Variants in CD276 observed in about 807,000 individuals in gnomAD.
The protein encoded by CD276 is CD276 antigen.
CD276 carries 34 observed loss-of-function variants against 50.0 expected under a neutral mutation model. That is an observed-to-expected ratio of 0.68 (90% CI 0.52 to 0.91). The LOEUF (loss-of-function observed/expected upper bound fraction) is 0.91, where lower values mean the gene tolerates loss of function less well. CD276 is among the 40% of genes least tolerant of loss of function. CD276 has a pLI of 0.00. For synonymous variants in CD276, 275 were observed against 313.0 expected (o/e 0.88, Z 1.28); for missense variants, 634 against 717.5 (o/e 0.88, Z 1.33).
In CD276 at chr15:73,709,671, G is replaced by A. The variant is rs144368803; in HGVS notation, c.1528G>A (p.Gly510Arg). The change falls in exon 8 of 10, where the codon GGA (glycine) becomes AGA (arginine). Residue 510 changes from glycine (G) to arginine (R), a missense_variant. Gly to Arg is a moderately radical substitution (Grantham distance 125). Coordinates refer to ENST00000318443, the MANE Select transcript of CD276 (RefSeq NM_001024736.2). ...AGGAGCTGAGGACCAGGATGGGGAGGGAGAAGGCTCCAAGACAGGTGAGTC... is the reference window on the plus strand; with the variant it reads ...AGGAGCTGAGGACCAGGATGGGGAGAGAGAAGGCTCCAAGACAGGTGAGTC... ...NAGAEDQDGE[G>R]EGSKTALQPL... The A allele has an allele frequency of 4.5e-5, 72 of 1,612,872 alleles. No homozygotes were observed. In the African/African-American group the frequency reaches 9.1e-4, roughly 20 times the overall value.
intron 6 of CD276, among the ~76,000 whole-genome samples, chr15:73,707,017 CTCCTTTTCTGCACACCTCTCTTCA>C (rs1900675025): frequency 6.6e-6 from 1 of 152,240 alleles, no homozygotes; most frequent in Non-Finnish European, 1.5e-5. Flanking sequence ...AGCTGCTGCC[CTCCTTTTCTGCACACCTCTCTTCA>C]TCACTGGGGT....
In CD276 at chr15:73,703,694, G is replaced by T. The variant is rs1485698725; in HGVS notation, c.769G>T (p.Val257Leu). The change falls in exon 5 of 10, where the codon GTG (valine) becomes TTG (leucine). Residue 257 changes from valine to leucine, a missense_variant. Transcript: ENST00000318443. Reference protein sequence around the residue: ...VEVQVPEDPVVALVGTDATLR... With the variant: ...VEVQVPEDPVLALVGTDATLR... ...GGTCCAGGTCCCTGAGGACCCGGTGGTGGCCCTAGTGGGCACCGATGCCAC... is the reference window on the plus strand; with the variant it reads ...GGTCCAGGTCCCTGAGGACCCGGTGTTGGCCCTAGTGGGCACCGATGCCAC... 1.2e-6 allele frequency: 2 copies of T among 1,612,672 alleles called. No individual in the cohort carries two copies. Among genetic ancestry groups the T allele is most frequent in the Non-Finnish European group, 1.7e-6 (2 of 1,179,764 alleles).
intron 1 of CD276, chr15:73,686,436 T>C (rs943272713): frequency 4.4e-6 from 1 of 226,958 alleles, no homozygotes; most frequent in Non-Finnish European, 7.3e-6. Flanking sequence ...ATGTCTCATG[T>C]TCATATACCT....
rs146911233 is a variant in CD276 at position 73,702,839 on chromosome 15, C to G, written c.486C>G (p.Thr162=). The change falls in exon 4 of 10, where the codon ACC becomes ACG. Residue 162 remains threonine (T), a synonymous_variant. Coordinates refer to ENST00000318443, the MANE Select transcript of CD276 (RefSeq NM_001024736.2). ...NKDLRPGDTV[T]ITCSSYQGYP... is the part of the protein sequence containing the mutation. ...ACCTGCGGCCAGGGGACACGGTGAC[C>G]ATCACGTGCTCCAGCTACCAGGGCT... is the stretch of plus-strand genomic sequence containing the variant. 1.6e-3 allele frequency: 2,635 copies of G among 1,614,146 alleles called. 71 individuals carry two copies. In the East Asian group the frequency reaches 0.054, roughly 33 times the overall value.
chr15:73,691,753 C>T (rs536649041), intron 1 of CD276, among the ~76,000 whole-genome samples: 148 of 152,318 alleles, frequency 9.7e-4, no homozygotes, highest in Non-Finnish European at 1.4e-3. Context: ...CTACCAAAGA[C>T]GGAGACGATC....
At chr15:73,705,211 A>G (rs1900602345) in intron 6 of CD276, among the ~76,000 whole-genome samples, 1 of 152,094 alleles carries the variant, frequency 6.6e-6, no homozygotes, top group Non-Finnish European at 1.5e-5. Context: ...TCCCTGGCCA[A>G]CTGAGCTTTC....
intron 1 of CD276, among the ~76,000 whole-genome samples, chr15:73,695,658 TC>T (rs1051245676): frequency 2.0e-5 from 3 of 152,168 alleles, no homozygotes; most frequent in African/African-American, 7.2e-5. Context: ...AAGGACTCCT[TC>T]GGTTGCAGAC....
chr15:73,695,857 G>A (rs960620125), intron 1 of CD276, among the ~76,000 whole-genome samples: 36 of 152,250 alleles, frequency 2.4e-4, no homozygotes, highest in African/African-American at 8.4e-4. Flanking sequence ...AGCCCCTGCG[G>A]GGATTGGGAG....
intron 1 of CD276, among the ~76,000 whole-genome samples, chr15:73,698,222 T>C (rs2141554372): frequency 6.6e-6 from 1 of 152,362 alleles, no homozygotes; most frequent in South Asian, 2.1e-4. Context: ...TTCTGATCTG[T>C]CTTGGTCACT....
In CD276 at chr15:73,712,980, C is replaced by T; in HGVS notation, c.*24C>T. On this transcript the variant is annotated 3_prime_UTR_variant, in exon 10 of 10. Coordinates refer to ENST00000318443, the MANE Select transcript of CD276 (RefSeq NM_001024736.2). ...GACCATGAGGACCAGGGAGCTGCTACCCCTCCCTACAGCTCCTACCCTCTG... is the reference window on the plus strand; with the variant it reads ...GACCATGAGGACCAGGGAGCTGCTATCCCTCCCTACAGCTCCTACCCTCTG... The T allele has an allele frequency of 1.2e-6, 2 of 1,611,064 alleles. No individual in the cohort carries two copies. Among genetic ancestry groups the T allele is most frequent in the Non-Finnish European group, 1.7e-6 (2 of 1,177,360 alleles).
chr15:73,691,661 C>T (rs1484898654), intron 1 of CD276, among the ~76,000 whole-genome samples: 1 of 152,154 alleles, frequency 6.6e-6, no homozygotes, highest in Non-Finnish European at 1.5e-5. Flanking sequence ...CGGAGCCTTG[C>T]TACCAGAAGG....
At position 73,704,918 on chromosome 15, in the gene CD276, G is replaced by T. The variant is rs764601090; in HGVS notation, c.1369+446G>T. Among the ~76,000 whole-genome samples, 1 of 152,220 alleles carries T rather than the reference G, an allele frequency of 6.6e-6. No homozygotes were observed. Among genetic ancestry groups the T allele is most frequent in the African/African-American group, 2.4e-5 (1 of 41,468 alleles). On this transcript the variant is annotated intron_variant, in intron 6 of 9. Transcript: ENST00000318443. This position sits in a 1 kb window ranked among gnomAD's most constrained non-coding sequence, Gnocchi z 4.1. ...GTTAGTCCCCAACACCTGAGTCAAC[G>T]TCAGCTCTTCTTCCTGCAGACTTGC... is the stretch of plus-strand genomic sequence containing the variant.
chr15:73,702,702 T>G, intron 3 of CD276, 70 bp from the exon 4 acceptor site: 1 of 1,566,782 alleles, frequency 6.4e-7, no homozygotes, highest in South Asian at 1.2e-5. Flanking sequence ...ATTCCTGTAC[T>G]CAGCCCCATG....
At chr15:73,697,567 A>AT (rs11444461) in intron 1 of CD276, 26,668 of 133,574 alleles carry the variant, frequency 0.2, 2,988 homozygotes, top group African/African-American at 0.25. Flanking sequence ...CTGGGCTTTA[A>AT]TTTTTTTTTT....
intron 1 of CD276, among the ~76,000 whole-genome samples, chr15:73,694,361 C>G (rs1900095389): frequency 6.6e-6 from 1 of 152,124 alleles, no homozygotes; most frequent in Non-Finnish European, 1.5e-5. Context: ...TTTGAGATAC[C>G]TATTTTAGAT....
intron 6 of CD276, among the ~76,000 whole-genome samples, chr15:73,707,053 A>G (rs1219087371): frequency 6.6e-6 from 1 of 152,196 alleles, no homozygotes; most frequent in Non-Finnish European, 1.5e-5. Flanking sequence ...CACTGGGGTG[A>G]TGGATCCCTG....
intron 1 of CD276, among the ~76,000 whole-genome samples, chr15:73,690,191 C>T (rs948824209): frequency 2.0e-5 from 3 of 152,218 alleles, no homozygotes; most frequent in Non-Finnish European, 4.4e-5. Context: ...CTCATTGAAT[C>T]GTGCATTGAG....
Position 73,713,183 on chromosome 15 carries a change from C to T in CD276, c.*227C>T. The T allele has an allele frequency of 1.9e-6, 1 of 517,104 alleles. No individual in the cohort carries two copies. The highest frequency in any genetic ancestry group is 3.4e-6 in the Non-Finnish European group (1 of 294,306). The allele number at this position is 517,104 out of a possible 1,614,324, so 32.0% of individuals were successfully genotyped here. ...TCTTATAGACACAATGAACAGACCA[C>T]CCACAACCTTAGTTCTCTAAGTCAT... On this transcript the variant is annotated 3_prime_UTR_variant, in exon 10 of 10. Coordinates refer to ENST00000318443, the MANE Select transcript of CD276 (RefSeq NM_001024736.2).
chr15:73,713,226 T>C lies in CD276; in HGVS notation c.*270T>C. On this transcript the variant is annotated 3_prime_UTR_variant, in exon 10 of 10. Transcript: ENST00000318443. Reference sequence around the variant, plus strand: ...TAAGTCATCCTGCCTGCTGCCTTATTTCACAGTACATACATTTCTTAGGGA... The same window carrying C: ...TAAGTCATCCTGCCTGCTGCCTTATCTCACAGTACATACATTTCTTAGGGA... 4.3e-6 allele frequency: 2 copies of C among 468,098 alleles called. No individual in the cohort carries two copies. Among genetic ancestry groups the C allele is most frequent in the South Asian group, 3.6e-5 (1 of 27,560 alleles). 29.0% of individuals were successfully genotyped at this position (468,098 alleles called of 1,614,324 possible).
Sources: gnomAD v4.1 joint callset for allele counts (sites outside exome capture counted in the v4.1 genomes callset) on GRCh38, gnomAD v4.1.1 for gene constraint, Gnocchi (gnomAD v3.1) non-coding constraint, MANE v1.5 for transcripts, NCBI Gene and HGNC (gene_info 2026-07-23, HGNC 2026-07-21) for gene names.